The following NKX1-2 variants were observed in gnomAD, a reference collection of about 807,000 sequenced individuals.
The protein encoded by NKX1-2 is NK1 homeobox 2, also known as NK1 transcription factor-related protein 2.
In NKX1-2, 1 loss-of-function variant was observed where a neutral mutation model predicts 4.4. The ratio of observed to expected loss-of-function variants is 0.23; its 90% CI spans 0.08 to 1.08. NKX1-2 has a LOEUF of 1.08. Among genes scored for constraint, NKX1-2 ranks in the 50% least tolerant of loss-of-function variants. The probability of loss-of-function intolerance (pLI) is 0.55; values close to 1 mark genes in which losing one functional copy is unlikely to be tolerated. For missense variants in NKX1-2, 503 were observed against 464.6 expected (o/e 1.08, Z -0.76); for synonymous variants, 235 against 228.0 (o/e 1.03, Z -0.28).
In NKX1-2 at chr10:124,447,900, C is replaced by A; in HGVS notation, c.462G>T (p.Arg154=). 1 of 1,416,040 alleles carries A rather than the reference C, an allele frequency of 7.1e-7. No individual in the cohort carries two copies. Among genetic ancestry groups the A allele is most frequent in the Non-Finnish European group, 9.3e-7 (1 of 1,080,282 alleles). The allele number at this position is 1,416,040 out of a possible 1,614,324, so 87.7% of individuals were successfully genotyped here. The change falls in exon 2 of 2, where the codon CGG becomes CGT. Residue 154 remains arginine, a synonymous_variant. Transcript: ENST00000451024. ...GCTTGGCGCAGTTGGGCTCCAGGCG[C>A]CGGCGCCTGGGACGCGGGGAGCCGG... The part of the protein sequence containing the change: ...GSPGSPRPRR[R]RLEPNCAKPR...
Position 124,449,355 on chromosome 10 carries a change from C to T in NKX1-2, c.214+375G>A, listed in dbSNP as rs969337961. ...ATGATGCTGTCCATCTCTCAGGTTCCGAAGTTTTCATCACCTTTATCCCAG... is the reference window on the plus strand; with the variant it reads ...ATGATGCTGTCCATCTCTCAGGTTCTGAAGTTTTCATCACCTTTATCCCAG... On this transcript the variant is annotated intron_variant, in intron 1 of 1. Transcript: ENST00000451024. The surrounding 1 kb of genome is among the most constrained non-coding windows in gnomAD (Gnocchi z 7.5). 2 of 489,534 alleles carry T rather than the reference C, an allele frequency of 4.1e-6. No homozygotes were observed. Among genetic ancestry groups the T allele is most frequent in the Non-Finnish European group, 8.1e-6 (2 of 246,962 alleles). 30.3% of individuals were successfully genotyped at this position (489,534 alleles called of 1,614,324 possible).
Position 124,449,983 on chromosome 10 carries a change from G to A in NKX1-2, c.-40C>T. ...GGCCGGCGGTCGGCGGCGCGGGGTT[G>A]GGGATGGCGCCGCTCGGGCTTGCCT... On this transcript the variant is annotated 5_prime_UTR_variant, in exon 1 of 2. Coordinates refer to ENST00000451024, the MANE Select transcript of NKX1-2 (RefSeq NM_001146340.3). The surrounding 1 kb of genome is among the most constrained non-coding windows in gnomAD (Gnocchi z 7.5). 2 of 1,454,082 alleles carry A rather than the reference G, an allele frequency of 1.4e-6. No individual in the cohort carries two copies. The highest frequency in any genetic ancestry group is 1.8e-6 in the Non-Finnish European group (2 of 1,086,586). 90.1% of individuals were successfully genotyped at this position (1,454,082 alleles called of 1,614,324 possible).
Position 124,448,039 on chromosome 10 carries a change from G to T in NKX1-2, c.323C>A (p.Ala108Glu), listed in dbSNP as rs141025438. Residue 108 changes from alanine (A) to glutamate (E), a missense_variant, in exon 2 of 2, where the codon GCG (alanine) becomes GAG (glutamate). Coordinates refer to ENST00000451024, the MANE Select transcript of NKX1-2 (RefSeq NM_001146340.3). This position sits in a 1 kb window ranked among gnomAD's most constrained non-coding sequence, Gnocchi z 4.1. ...PRRPRLRERA[A>E]RLLPGLARSP... ...GCGCGCTAGGCCCGGCAGCAAGCGC[G>T]CAGCCCGCTCCCGCAGCCGCGGCCT... 2 of 1,517,338 alleles carry T rather than the reference G, an allele frequency of 1.3e-6. No individual in the cohort carries two copies. Among genetic ancestry groups the T allele is most frequent in the East Asian group, 2.6e-5 (1 of 37,816 alleles). 94.0% of individuals were successfully genotyped at this position (1,517,338 alleles called of 1,614,324 possible). A position where few individuals can be genotyped will look rare whatever the true frequency, so the allele number is the denominator to read the frequency against.
rs1238148895 is a variant in NKX1-2 at position 124,449,653 on chromosome 10, G to C, written c.214+77C>G. On this transcript the variant is annotated intron_variant, in intron 1 of 1. Transcript: ENST00000451024. The surrounding 1 kb of genome is among the most constrained non-coding windows in gnomAD (Gnocchi z 7.5). The stretch of plus-strand genomic sequence containing the variant: ...AAGACGCTGTTAAGGGCCACTCACC[G>C]GGCCCGGCTGTTCCCCCATACACTC... The C allele has an allele frequency of 9.0e-7, 1 of 1,112,716 alleles. No individual in the cohort carries two copies. The highest frequency in any genetic ancestry group is 1.3e-6 in the Non-Finnish European group (1 of 754,876). 68.9% of individuals were successfully genotyped at this position (1,112,716 alleles called of 1,614,324 possible).
Position 124,449,817 on chromosome 10 carries a change from G to T in NKX1-2, c.127C>A (p.Pro43Thr), listed in dbSNP as rs1351502023. Reference protein sequence around the residue: ...RAALPAVRPAPREARKSLAEV... With the variant: ...RAALPAVRPATREARKSLAEV... ...GCCAAACTTTTCCTGGCTTCCCGGG[G>T]AGCCGGGCGCACGGCAGGGAGCGCT... The change falls in exon 1 of 2, where the codon CCC becomes ACC. Residue 43 changes from proline to threonine, a missense_variant. By Grantham distance (38) the Pro-to-Thr change is conservative. Coordinates refer to ENST00000451024, the MANE Select transcript of NKX1-2 (RefSeq NM_001146340.3). This position sits in a 1 kb window ranked among gnomAD's most constrained non-coding sequence, Gnocchi z 7.5. 5.2e-6 allele frequency: 8 copies of T among 1,551,552 alleles called. No individual in the cohort carries two copies. Among genetic ancestry groups the T allele is most frequent in the Non-Finnish European group, 6.1e-6 (7 of 1,146,966 alleles).
Position 124,448,370 on chromosome 10 carries a change from A to C in NKX1-2, c.215-223T>G. 1.8e-6 allele frequency: 1 copy of C among 551,644 alleles called. No individual in the cohort carries two copies. Among genetic ancestry groups the C allele is most frequent in the Non-Finnish European group, 2.7e-6 (1 of 364,548 alleles). 34.2% of individuals were successfully genotyped at this position (551,644 alleles called of 1,614,324 possible). On this transcript the variant is annotated intron_variant, in intron 1 of 1. Coordinates refer to ENST00000451024, the MANE Select transcript of NKX1-2 (RefSeq NM_001146340.3). The surrounding 1 kb of genome is among the most constrained non-coding windows in gnomAD (Gnocchi z 4.1). The stretch of plus-strand genomic sequence containing the variant: ...CTGCCATCAAGTAGGCGTCCAAGAA[A>C]TGTACGCCAAATGAATGAATGACAC...
In NKX1-2 at chr10:124,447,737, T is replaced by C. The variant is rs1952255993; in HGVS notation, c.625A>G (p.Ile209Val). Residue 209 changes from isoleucine to valine, a missense_variant, in exon 2 of 2, where the codon ATC becomes GTC. By Grantham distance (29) the Ile-to-Val change is conservative. Coordinates refer to ENST00000451024, the MANE Select transcript of NKX1-2 (RefSeq NM_001146340.3). Reference protein sequence around the residue: ...SLSLTETQVKIWFQNRRTKWK... With the variant: ...SLSLTETQVKVWFQNRRTKWK... ...TTGGTCCTGCGATTCTGGAACCAGA[T>C]TTTGACCTGCGTCTCGGTGAGGCTG... 6.8e-7 allele frequency: 1 copy of C among 1,471,794 alleles called. No individual in the cohort carries two copies. Among genetic ancestry groups the C allele is most frequent in the Admixed American group, 2.3e-5 (1 of 44,116 alleles). 91.2% of individuals were successfully genotyped at this position (1,471,794 alleles called of 1,614,324 possible). A position where few individuals can be genotyped will look rare whatever the true frequency, so the allele number is the denominator to read the frequency against.
rs995532367 is a variant in NKX1-2 at position 124,447,095 on chromosome 10, T to A, written c.*334A>T. 1.4e-4 allele frequency: 30 copies of A among 212,996 alleles called. No individual in the cohort carries two copies. The highest frequency in any genetic ancestry group is 6.4e-4 in the African/African-American group (28 of 43,812). The allele number at this position is 212,996 out of a possible 1,614,324, so 13.2% of individuals were successfully genotyped here. ...CCGCCAGCAGCTGGCAGCCAGGGCG[T>A]CTCTGCTCCCTGTATTTCCCTCCTG... On this transcript the variant is annotated 3_prime_UTR_variant, in exon 2 of 2. Coordinates refer to ENST00000451024, the MANE Select transcript of NKX1-2 (RefSeq NM_001146340.3).
Position 124,448,373 on chromosome 10 carries a change from T to C in NKX1-2, c.215-226A>G, listed in dbSNP as rs993447216. The stretch of plus-strand genomic sequence containing the variant: ...CCATCAAGTAGGCGTCCAAGAAATG[T>C]ACGCCAAATGAATGAATGACACCCC... On this transcript the variant is annotated intron_variant, in intron 1 of 1. Coordinates refer to ENST00000451024, the MANE Select transcript of NKX1-2 (RefSeq NM_001146340.3). The surrounding 1 kb of genome is among the most constrained non-coding windows in gnomAD (Gnocchi z 4.1). The C allele has an allele frequency of 1.1e-4, 61 of 537,836 alleles. No homozygotes were observed. In the South Asian group the frequency reaches 4.2e-3, roughly 37 times the overall value. The allele number at this position is 537,836 out of a possible 1,614,324, so 33.3% of individuals were successfully genotyped here. A position where few individuals can be genotyped will look rare whatever the true frequency, so the allele number is the denominator to read the frequency against.
At position 124,449,887 on chromosome 10, in the gene NKX1-2, A is replaced by G; in HGVS notation, c.57T>C (p.Ser19=). The G allele has an allele frequency of 6.4e-7, 1 of 1,550,876 alleles. No homozygotes were observed. The highest frequency in any genetic ancestry group is 1.7e-4 in the Middle Eastern group (1 of 5,984). The change falls in exon 1 of 2, where the codon TCT becomes TCC. Residue 19 remains serine (S), a synonymous_variant. Coordinates refer to ENST00000451024, the MANE Select transcript of NKX1-2 (RefSeq NM_001146340.3). The surrounding 1 kb of genome is among the most constrained non-coding windows in gnomAD (Gnocchi z 7.5). The part of the protein sequence containing the change: ...AKAAPSHHKI[S]FSVLDILDPQ... Reference sequence around the variant, plus strand: ...GGTCCAGGATGTCCAGGACAGAGAAAGAAATCTTGTGGTGGGAGGGAGCCG... The same window carrying G: ...GGTCCAGGATGTCCAGGACAGAGAAGGAAATCTTGTGGTGGGAGGGAGCCG...
chr10:124,449,808 C>T lies in NKX1-2; in HGVS notation c.136G>A (p.Ala46Thr). 1.3e-6 allele frequency: 2 copies of T among 1,551,726 alleles called. No individual in the cohort carries two copies. Among genetic ancestry groups the T allele is most frequent in the Admixed American group, 2.0e-5 (1 of 51,008 alleles). Residue 46 changes from alanine to threonine, a missense_variant, in exon 1 of 2, where the codon GCC becomes ACC. Physicochemically the swap from Ala to Thr is moderately conservative, Grantham distance 58 (BLOSUM62 0). Transcript: ENST00000451024. The surrounding 1 kb of genome is among the most constrained non-coding windows in gnomAD (Gnocchi z 7.5). Reference sequence around the variant, plus strand: ...TCGACCTCCGCCAAACTTTTCCTGGCTTCCCGGGGAGCCGGGCGCACGGCA... The same window carrying T: ...TCGACCTCCGCCAAACTTTTCCTGGTTTCCCGGGGAGCCGGGCGCACGGCA... ...LPAVRPAPRE[A>T]RKSLAEVEAG...
At position 124,445,533 on chromosome 10, in the gene NKX1-2, G is replaced by A. The variant is rs1392270569; in HGVS notation, c.*1896C>T. The A allele has an allele frequency of 6.6e-6, 1 of 152,204 alleles. No individual in the cohort carries two copies. Among genetic ancestry groups the A allele is most frequent in the Non-Finnish European group, 1.5e-5 (1 of 68,044 alleles). 9.4% of individuals were successfully genotyped at this position (152,204 alleles called of 1,614,324 possible). ...TGTTTCCCATTTATTACAGAATTCA[G>A]CTTCTTTGTTACAGAGGAATTGTCA... On this transcript the variant is annotated 3_prime_UTR_variant, in exon 2 of 2. Transcript: ENST00000451024.
Position 124,447,139 on chromosome 10 carries a change from C to T in NKX1-2, c.*290G>A, listed in dbSNP as rs551972018. The T allele has an allele frequency of 1.4e-5, 4 of 292,436 alleles. No homozygotes were observed. The highest frequency in any genetic ancestry group is 1.3e-5 in the Non-Finnish European group (2 of 158,976). 18.1% of individuals were successfully genotyped at this position (292,436 alleles called of 1,614,324 possible). On this transcript the variant is annotated 3_prime_UTR_variant, in exon 2 of 2. Coordinates refer to ENST00000451024, the MANE Select transcript of NKX1-2 (RefSeq NM_001146340.3). ...CCTCCTGGCATCTTGGTTAGCCCCG[C>T]GCCGAACACCCAGACCCTCAAAAAC...
Position 124,448,312 on chromosome 10 carries a change from T to A in NKX1-2, c.215-165A>T. On this transcript the variant is annotated intron_variant, in intron 1 of 1. Coordinates refer to ENST00000451024, the MANE Select transcript of NKX1-2 (RefSeq NM_001146340.3). The surrounding 1 kb of genome is among the most constrained non-coding windows in gnomAD (Gnocchi z 4.1). ...GACTACACATCCTCGCCAGCGGGTT[T>A]AGGGGAATGGTGTCCTCTTGCCCTT... 8.5e-7 allele frequency: 1 copy of A among 1,175,604 alleles called. No homozygotes were observed. Among genetic ancestry groups the A allele is most frequent in the Non-Finnish European group, 1.1e-6 (1 of 923,824 alleles). The allele number at this position is 1,175,604 out of a possible 1,614,324, so 72.8% of individuals were successfully genotyped here. A position where few individuals can be genotyped will look rare whatever the true frequency, so the allele number is the denominator to read the frequency against.
At position 124,447,279 on chromosome 10, in the gene NKX1-2, C is replaced by T. The variant is rs1203935969; in HGVS notation, c.*150G>A. 2.0e-6 allele frequency: 1 copy of T among 504,152 alleles called. No individual in the cohort carries two copies. Among genetic ancestry groups the T allele is most frequent in the Non-Finnish European group, 3.2e-6 (1 of 312,534 alleles). The allele number at this position is 504,152 out of a possible 1,614,324, so 31.2% of individuals were successfully genotyped here. A position where few individuals can be genotyped will look rare whatever the true frequency, so the allele number is the denominator to read the frequency against. Reference sequence around the variant, plus strand: ...TTTGAAGGACGGCAGATCCCTGACCCCTTGGTGGCCCGCGAGGATCGCGGG... The same window carrying T: ...TTTGAAGGACGGCAGATCCCTGACCTCTTGGTGGCCCGCGAGGATCGCGGG... On this transcript the variant is annotated 3_prime_UTR_variant, in exon 2 of 2. Transcript: ENST00000451024.
chr10:124,447,684 G>T lies in NKX1-2; in HGVS notation c.678C>A (p.Asp226Glu). 7.1e-7 allele frequency: 1 copy of T among 1,412,116 alleles called. No homozygotes were observed. Among genetic ancestry groups the T allele is most frequent in the East Asian group, 3.1e-5 (1 of 32,046 alleles). The allele number at this position is 1,412,116 out of a possible 1,614,324, so 87.5% of individuals were successfully genotyped here. ...TKWKKQNPGA[D>E]GAAQVGGGAP... Reference sequence around the variant, plus strand: ...CGCCACCCCCCACCTGCGCCGCGCCGTCGGCACCCGGGTTCTGCTTCTTCC... The same window carrying T: ...CGCCACCCCCCACCTGCGCCGCGCCTTCGGCACCCGGGTTCTGCTTCTTCC... Residue 226 changes from aspartate to glutamate, a missense_variant, in exon 2 of 2, where the codon GAC (aspartate) becomes GAA (glutamate). Transcript: ENST00000451024.
In NKX1-2 at chr10:124,447,695, G is replaced by T. The variant is rs749755498; in HGVS notation, c.667C>A (p.Pro223Thr). 5 of 1,439,488 alleles carry T rather than the reference G, an allele frequency of 3.5e-6. No individual in the cohort carries two copies. The highest frequency in any genetic ancestry group is 4.6e-6 in the Non-Finnish European group (5 of 1,085,958). 89.2% of individuals were successfully genotyped at this position (1,439,488 alleles called of 1,614,324 possible). Residue 223 changes from proline to threonine, a missense_variant, in exon 2 of 2, where the codon CCG becomes ACG. Transcript: ENST00000451024. ...ACCTGCGCCGCGCCGTCGGCACCCG[G>T]GTTCTGCTTCTTCCACTTGGTCCTG... is the stretch of plus-strand genomic sequence containing the variant. ...NRRTKWKKQN[P>T]GADGAAQVGG...
At position 124,448,954 on chromosome 10, in the gene NKX1-2, C is replaced by G. The variant is rs1952271417; in HGVS notation, c.214+776G>C. Among the ~76,000 whole-genome samples, 1 of 152,142 alleles carries G rather than the reference C, an allele frequency of 6.6e-6. No homozygotes were observed. Among genetic ancestry groups the G allele is most frequent in the African/African-American group, 2.4e-5 (1 of 41,444 alleles). ...AGGGGAGCAGGGGGCTGCGCGGCATCCAGCCTCCCCCGATGACCTGAGCCT... is the reference window on the plus strand; with the variant it reads ...AGGGGAGCAGGGGGCTGCGCGGCATGCAGCCTCCCCCGATGACCTGAGCCT... On this transcript the variant is annotated intron_variant, in intron 1 of 1. Transcript: ENST00000451024. This position sits in a 1 kb window ranked among gnomAD's most constrained non-coding sequence, Gnocchi z 4.1.
In NKX1-2 at chr10:124,448,039, G is replaced by A. The variant is rs141025438; in HGVS notation, c.323C>T (p.Ala108Val). Residue 108 changes from alanine (A) to valine (V), a missense_variant, in exon 2 of 2, where the codon GCG becomes GTG. Transcript: ENST00000451024. This position sits in a 1 kb window ranked among gnomAD's most constrained non-coding sequence, Gnocchi z 4.1. ...PRRPRLRERA[A>V]RLLPGLARSP... ...GCGCGCTAGGCCCGGCAGCAAGCGC[G>A]CAGCCCGCTCCCGCAGCCGCGGCCT... 612 of 1,517,338 alleles carry A rather than the reference G, an allele frequency of 4.0e-4. 2 individuals are homozygous for A. In the African/African-American group the frequency reaches 7.7e-3, roughly 19 times the overall value. 94.0% of individuals were successfully genotyped at this position (1,517,338 alleles called of 1,614,324 possible). A position where few individuals can be genotyped will look rare whatever the true frequency, so the allele number is the denominator to read the frequency against.
Sources: allele counts gnomAD v4.1 joint callset (sites outside exome capture counted in the v4.1 genomes callset), GRCh38; gene constraint gnomAD v4.1.1; non-coding constraint Gnocchi (gnomAD v3.1); transcripts MANE v1.5; gene names NCBI Gene and HGNC (gene_info 2026-07-23, HGNC 2026-07-21).